The following NEK11 variants were observed in gnomAD, a reference collection of about 807,000 sequenced individuals.
The protein encoded by NEK11 is serine/threonine-protein kinase Nek11.
NEK11 carries 72 observed loss-of-function variants against 80.7 expected under a neutral mutation model. The ratio of observed to expected loss-of-function variants is 0.89; its 90% CI spans 0.74 to 1.08. The LOEUF is 1.08. Ranked by LOEUF, NEK11 falls within the 50% of genes least tolerant of loss-of-function variation. NEK11 has a pLI of 0.00. For synonymous variants in NEK11, 251 were observed against 260.7 expected (o/e 0.96, Z 0.36); for missense variants, 764 against 763.6 (o/e 1.00, Z -0.01).
Position 131,148,833 on chromosome 3 carries a change from GT to G in NEK11, c.648-3547del, listed in dbSNP as rs1036393802. ...TGTTAAGCATAGTACAAAATAGGTAGTTTTTTTTCATTAAAAATAAATTTTA... is the reference window on the plus strand; with the variant it reads ...TGTTAAGCATAGTACAAAATAGGTAGTTTTTTTCATTAAAAATAAATTTTA... On this transcript the variant is annotated intron_variant, in intron 7 of 17. Coordinates refer to ENST00000383366, the MANE Select transcript of NEK11 (RefSeq NM_024800.5). 2.4e-4 allele frequency among the ~76,000 whole-genome samples: 37 copies of G among 151,060 alleles called. 1 individual carries two copies. Among genetic ancestry groups the G allele is most frequent in the African/African-American group, 3.2e-4 (13 of 41,198 alleles).
At chr3:131,342,071 G>A (rs9861674) in intron 17 of NEK11, among the ~76,000 whole-genome samples, 8,069 of 152,208 alleles carry the variant, frequency 0.053, 278 homozygotes, top group Non-Finnish European at 0.083. Context: ...CCTGCCCAGA[G>A]TGAACTGAGA....
rs114919966 is a variant in NEK11 at position 131,172,020 on chromosome 3, T to C, written c.1399+1133T>C. On this transcript the variant is annotated intron_variant, in intron 14 of 17. Coordinates refer to ENST00000383366, the MANE Select transcript of NEK11 (RefSeq NM_024800.5). ...ACCAGGGGAACCATTAGACCACTGA[T>C]TAAAGTCTTATTCCAAGTGAAAAGA... Among the ~76,000 whole-genome samples, 894 of 152,278 alleles carry C rather than the reference T, an allele frequency of 5.9e-3. 11 individuals are homozygous for C. The highest frequency in any genetic ancestry group is 0.02 in the African/African-American group (840 of 41,556).
intron 4 of NEK11, among the ~76,000 whole-genome samples, chr3:131,099,300 G>A (rs2077988807): frequency 6.6e-6 from 1 of 152,112 alleles, no homozygotes; most frequent in Non-Finnish European, 1.5e-5. Flanking sequence ...TTATTTCTGA[G>A]TTTTCTATTC....
intron 5 of NEK11, among the ~76,000 whole-genome samples, chr3:131,119,712 T>C (rs1419207590): frequency 6.6e-6 from 1 of 152,242 alleles, no homozygotes; most frequent in Non-Finnish European, 1.5e-5. Flanking sequence ...TTGATCCATT[T>C]ACCGTTATGT....
intron 17 of NEK11, among the ~76,000 whole-genome samples, chr3:131,284,892 G>A (rs6793504): frequency 0.13 from 19,449 of 152,112 alleles, 1,786 homozygotes; most frequent in East Asian, 0.3. Flanking sequence ...TTTGAGACTC[G>A]AACTGGCTTC....
chr3:131,290,234 T>G (rs1307039539), intron 17 of NEK11, among the ~76,000 whole-genome samples: 1 of 152,186 alleles, frequency 6.6e-6, no homozygotes, highest in Non-Finnish European at 1.5e-5. Context: ...CCTGGCAGCA[T>G]GGGTAGGAAA....
Position 131,080,454 on chromosome 3 carries a change from C to A in NEK11, c.202C>A (p.Leu68Ile). 1 of 1,610,058 alleles carries A rather than the reference C, an allele frequency of 6.2e-7. No individual in the cohort carries two copies. The highest frequency in any genetic ancestry group is 8.5e-7 in the Non-Finnish European group (1 of 1,179,034). Residue 68 changes from leucine to isoleucine, a missense_variant, in exon 4 of 18, where the codon CTA becomes ATA. Coordinates refer to ENST00000383366, the MANE Select transcript of NEK11 (RefSeq NM_024800.5). Reference sequence around the variant, plus strand: ...ACTTAAGGAAATATCTGTTGGAGAACTAAATCCAAATGAAACTGTACAGGC... The same window carrying A: ...ACTTAAGGAAATATCTGTTGGAGAAATAAATCCAAATGAAACTGTACAGGC... The part of the protein sequence containing the change: ...KVLKEISVGE[L>I]NPNETVQANL...
chr3:131,146,299 A>G (rs529137816), intron 7 of NEK11, among the ~76,000 whole-genome samples: 10 of 152,238 alleles, frequency 6.6e-5, no homozygotes, highest in African/African-American at 2.4e-4. Context: ...AGGCTACATA[A>G]CAGAATGTGA....
intron 3 of NEK11, among the ~76,000 whole-genome samples, chr3:131,043,146 G>A (rs1029974883): frequency 1.4e-4 from 21 of 152,182 alleles, no homozygotes; most frequent in Admixed American, 5.2e-4. Context: ...GTAAATCCAC[G>A]AAGATGAGGA....
At chr3:131,220,993 G>T (rs2095001499) in intron 14 of NEK11, among the ~76,000 whole-genome samples, 1 of 152,164 alleles carries the variant, frequency 6.6e-6, no homozygotes, top group Admixed American at 6.5e-5. Flanking sequence ...AGGGGTGGGG[G>T]AGTCTTAGGA....
At chr3:131,214,649 TC>T (rs2094754149) in intron 14 of NEK11, among the ~76,000 whole-genome samples, 1 of 151,886 alleles carries the variant, frequency 6.6e-6, no homozygotes, top group Admixed American at 6.6e-5. Flanking sequence ...GAGACCTATT[TC>T]CAAAAGGATC....
intron 17 of NEK11, among the ~76,000 whole-genome samples, chr3:131,274,714 C>T (rs1284119764): frequency 3.2e-5 from 4 of 124,210 alleles, no homozygotes; most frequent in South Asian, 2.8e-4. Flanking sequence ...ACTGCAGTGG[C>T]GCAATCTCGG....
intron 14 of NEK11, among the ~76,000 whole-genome samples, chr3:131,223,989 A>G (rs1411154933): frequency 6.6e-6 from 1 of 152,196 alleles, no homozygotes; most frequent in African/African-American, 2.4e-5. Context: ...ACTGCATAAC[A>G]ATCTTTTGGT....
At chr3:131,233,778 T>C (rs1346133564) in intron 15 of NEK11, among the ~76,000 whole-genome samples, 2 of 152,220 alleles carry the variant, frequency 1.3e-5, no homozygotes, top group African/African-American at 4.8e-5. Context: ...AGTCCCTACG[T>C]GCAAATCAGC....
intron 15 of NEK11, among the ~76,000 whole-genome samples, chr3:131,242,759 ATAAT>A (rs1391575018): frequency 3.3e-5 from 5 of 152,122 alleles, no homozygotes; most frequent in Non-Finnish European, 7.4e-5. Flanking sequence ...AAACCTGAAA[ATAAT>A]TAATACTTTT....
chr3:131,043,758 A>G (rs748565584), intron 3 of NEK11, among the ~76,000 whole-genome samples: 6 of 152,216 alleles, frequency 3.9e-5, no homozygotes, highest in East Asian at 3.8e-4. Context: ...CAGGAAATAC[A>G]GAGAACACTG....
At chr3:131,219,460 T>G (rs1289065884) in intron 14 of NEK11, among the ~76,000 whole-genome samples, 1 of 151,116 alleles carries the variant, frequency 6.6e-6, no homozygotes, top group Non-Finnish European at 1.5e-5. Context: ...GGTTGATGGG[T>G]GCAGCAAACC....
chr3:131,223,621 C>A (rs2095098336), intron 14 of NEK11, among the ~76,000 whole-genome samples: 1 of 152,196 alleles, frequency 6.6e-6, no homozygotes, highest in African/African-American at 2.4e-5. Context: ...TTTCACACTA[C>A]AAAGGCAGAG....
chr3:131,208,024 T>A (rs1473161332), intron 14 of NEK11, among the ~76,000 whole-genome samples: 1 of 152,084 alleles, frequency 6.6e-6, no homozygotes, highest in African/African-American at 2.4e-5. Context: ...GGTGTTTTAG[T>A]TATGAAGTCC....
Sources: allele counts gnomAD v4.1 joint callset (sites outside exome capture counted in the v4.1 genomes callset), GRCh38; gene constraint gnomAD v4.1.1; transcripts MANE v1.5; gene names NCBI Gene and HGNC (gene_info 2026-07-23, HGNC 2026-07-21).